Variants in ZRANB3 observed in about 807,000 individuals in gnomAD.
ZRANB3 encodes zinc finger RANBP2-type containing 3.
Under a neutral mutation model 133.8 loss-of-function variants are expected in ZRANB3, and 125 were observed. The ratio of observed to expected loss-of-function variants is 0.93; its 90% CI spans 0.81 to 1.08. ZRANB3 has a LOEUF of 1.08. Among genes scored for constraint, ZRANB3 ranks in the 50% least tolerant of loss-of-function variants. ZRANB3 has a pLI of 0.00. For synonymous variants in ZRANB3, 387 were observed against 432.7 expected (o/e 0.89, Z 1.31); for missense variants, 1,229 against 1,275.5 (o/e 0.96, Z 0.56).
intron 12 of ZRANB3, among the ~76,000 whole-genome samples, chr2:135,255,293 C>A (rs1366629105): frequency 6.6e-6 from 1 of 152,002 alleles, no homozygotes; most frequent in Non-Finnish European, 1.5e-5. Flanking sequence ...CACACACACA[C>A]AGCCCCCAGG....
chr2:135,327,480 G>C (rs1346903777), intron 6 of ZRANB3, among the ~76,000 whole-genome samples: 1 of 152,236 alleles, frequency 6.6e-6, no homozygotes, highest in South Asian at 2.1e-4. Context: ...AGTTGACTAA[G>C]AAAGGAACAG....
chr2:135,462,737 T>C (rs1174856868), intron 2 of ZRANB3, among the ~76,000 whole-genome samples: 1 of 151,818 alleles, frequency 6.6e-6, no homozygotes, highest in Non-Finnish European at 1.5e-5. Context: ...GGATTACAGG[T>C]GCCCACCATC....
At chr2:135,354,611 C>T (rs1183390288) in intron 3 of ZRANB3, among the ~76,000 whole-genome samples, 1 of 152,080 alleles carries the variant, frequency 6.6e-6, no homozygotes, top group Non-Finnish European at 1.5e-5. Context: ...AAAGAATGAA[C>T]TCATGCTCTA....
At chr2:135,403,990 C>T (rs1687873505) in intron 2 of ZRANB3, among the ~76,000 whole-genome samples, 1 of 152,076 alleles carries the variant, frequency 6.6e-6, no homozygotes, top group African/African-American at 2.4e-5. Flanking sequence ...GATAAAACCA[C>T]AAAGATGGGG....
chr2:135,275,468 AATC>A (rs1455954690), intron 9 of ZRANB3, among the ~76,000 whole-genome samples, 165 bp downstream of exon 9: 3 of 152,294 alleles, frequency 2.0e-5, no homozygotes, highest in East Asian at 1.9e-4. Flanking sequence ...AATAGTATAT[AATC>A]ATCATCATAT....
chr2:135,297,564 C>A (rs539682943), intron 8 of ZRANB3, among the ~76,000 whole-genome samples: 1 of 152,220 alleles, frequency 6.6e-6, no homozygotes, highest in Non-Finnish European at 1.5e-5. Context: ...GCTCATGCAC[C>A]GTGCGCTGCA....
In ZRANB3 at chr2:135,481,441, T is replaced by C. The variant is rs200226085; in HGVS notation, c.161+22888A>G. 1.2e-4 allele frequency among the ~76,000 whole-genome samples: 19 copies of C among 152,352 alleles called. No individual in the cohort carries two copies. The East Asian group carries it at 3.3e-3, about 26-fold the overall frequency. On this transcript the variant is annotated intron_variant, in intron 2 of 20. Transcript: ENST00000264159. The stretch of plus-strand genomic sequence containing the variant: ...TTGAGAAGTGTCTGTTCATATCCTT[T>C]GCCCACTTTTTGATGGGGCTGTTTG...
chr2:135,406,042 T>C (rs1305597820), intron 2 of ZRANB3, among the ~76,000 whole-genome samples: 2 of 152,102 alleles, frequency 1.3e-5, no homozygotes, highest in Admixed American at 6.5e-5. Flanking sequence ...AGCTGGTTTT[T>C]TGAGAAGAAC....
chr2:135,445,193 C>T (rs1166193128), intron 2 of ZRANB3, among the ~76,000 whole-genome samples: 1 of 152,112 alleles, frequency 6.6e-6, no homozygotes, highest in Non-Finnish European at 1.5e-5. Flanking sequence ...CCTGTAATTC[C>T]AGCATTTTGG....
At chr2:135,412,913 G>A (rs1421074120) in intron 2 of ZRANB3, among the ~76,000 whole-genome samples, 1 of 151,846 alleles carries the variant, frequency 6.6e-6, no homozygotes, top group Non-Finnish European at 1.5e-5. Context: ...AATTCATTAG[G>A]TTTTTGGAAT....
At chr2:135,478,602 C>T (rs2104789193) in intron 2 of ZRANB3, among the ~76,000 whole-genome samples, 1 of 152,186 alleles carries the variant, frequency 6.6e-6, no homozygotes, top group Admixed American at 6.5e-5. Context: ...TCTTTTATGG[C>T]TGGTTTCTTT....
At chr2:135,457,759 TTTAA>T (rs1416731217) in intron 2 of ZRANB3, among the ~76,000 whole-genome samples, 2 of 152,134 alleles carry the variant, frequency 1.3e-5, no homozygotes, top group African/African-American at 4.8e-5. Context: ...TTGCCCATTT[TTTAA>T]TTGAGTTATC....
At chr2:135,276,234 G>GT (rs79341754) in intron 8 of ZRANB3, among the ~76,000 whole-genome samples, 7,534 of 128,852 alleles carry the variant, frequency 0.058, 215 homozygotes, top group African/African-American at 0.078. Flanking sequence ...TTTAAGGAAA[G>GT]TTTTTTTTTT....
In ZRANB3 at chr2:135,290,848, C is replaced by T. The variant is rs534695369; in HGVS notation, c.967-15093G>A. Among the ~76,000 whole-genome samples the T allele has an allele frequency of 3.3e-5, 5 of 152,310 alleles. No individual in the cohort carries two copies. The East Asian group carries it at 9.6e-4, about 29-fold the overall frequency. ...TGTATTTGGATGTCTAGATCTCTAG[C>T]AAGGCCAGGGATGGTTTCCTTGATT... On this transcript the variant is annotated intron_variant, in intron 8 of 20. Coordinates refer to ENST00000264159, the MANE Select transcript of ZRANB3 (RefSeq NM_032143.4).
intron 2 of ZRANB3, among the ~76,000 whole-genome samples, chr2:135,413,560 T>C (rs1216846415): frequency 1.3e-5 from 2 of 152,220 alleles, no homozygotes; most frequent in African/African-American, 2.4e-5. Flanking sequence ...TGATCACAGC[T>C]TGGTTTAATT....
chr2:135,306,058 C>T (rs967638136), intron 8 of ZRANB3, among the ~76,000 whole-genome samples: 49 of 152,096 alleles, frequency 3.2e-4, no homozygotes, highest in African/African-American at 1.2e-3. Flanking sequence ...GCCTTGCAGA[C>T]CTTTTCAGGT....
intron 3 of ZRANB3, among the ~76,000 whole-genome samples, chr2:135,357,358 T>C (rs1685483560): frequency 6.6e-6 from 1 of 152,088 alleles, no homozygotes; most frequent in South Asian, 2.1e-4. Flanking sequence ...TGCAGTGGCA[T>C]GATCTCGGCT....
chr2:135,315,686 A>C (rs770813826), intron 6 of ZRANB3, among the ~76,000 whole-genome samples, 156 bp from the exon 7 acceptor site: 1 of 152,240 alleles, frequency 6.6e-6, no homozygotes, highest in Non-Finnish European at 1.5e-5. Flanking sequence ...TCAGCCTGAA[A>C]AACAGTAATG....
rs1694980594 is a variant in ZRANB3, at chr2:135,230,845, T to C, written c.1622A>G (p.Glu541Gly). ...KKRQLMTSCDESKRFREENTV... is the reference protein window; with the variant it reads ...KKRQLMTSCDGSKRFREENTV... ...ATTTTCCTCCCGGAATCTCTTTGAT[T>C]CGTCACAGGAGGTCATCAACTGTCT... Residue 541 changes from glutamate (E) to glycine (G), a missense_variant, in exon 13 of 21, where the codon GAA (glutamate) becomes GGA (glycine). By Grantham distance (98) the Glu-to-Gly change is moderately conservative (BLOSUM62 -2). Coordinates refer to ENST00000264159, the MANE Select transcript of ZRANB3 (RefSeq NM_032143.4). The C allele has an allele frequency of 6.8e-6, 11 of 1,612,586 alleles. No individual in the cohort carries two copies. Among genetic ancestry groups the C allele is most frequent in the Admixed American group, 1.7e-5 (1 of 59,652 alleles).
Sources: gnomAD v4.1 joint callset for allele counts (sites outside exome capture counted in the v4.1 genomes callset) on GRCh38, gnomAD v4.1.1 for gene constraint, MANE v1.5 for transcripts, NCBI Gene and HGNC (gene_info 2026-07-23, HGNC 2026-07-21) for gene names.